CEP68: variants seen among roughly 807,000 people sequenced by gnomAD.
The protein encoded by CEP68 is centrosomal protein 68.
A neutral mutation model predicts 55.3 loss-of-function variants in CEP68; 26 were observed. That is an observed-to-expected ratio of 0.47 (90% CI 0.34 to 0.65). The LOEUF (loss-of-function observed/expected upper bound fraction) is 0.65, where lower values mean the gene tolerates loss of function less well. Ranked by LOEUF, CEP68 falls within the 30% of genes least tolerant of loss-of-function variation. The probability of loss-of-function intolerance (pLI) is 0.01; values close to 1 mark genes in which losing one functional copy is unlikely to be tolerated. For missense variants in CEP68, 957 were observed against 946.7 expected, an observed-to-expected ratio of 1.01 and a Z score of -0.14; for synonymous variants, 402 against 383.2, an observed-to-expected ratio of 1.05 and a Z score of -0.57.
Position 65,080,007 on chromosome 2 carries a change from C to T in CEP68, c.2104+2043C>T, listed in dbSNP as rs1443035664. Among the ~76,000 whole-genome samples, 3 of 152,192 alleles carry T rather than the reference C, an allele frequency of 2.0e-5. No individual in the cohort carries two copies. In the East Asian group the frequency reaches 5.8e-4, roughly 29 times the overall value. On this transcript the variant is annotated intron_variant, in intron 5 of 6. Transcript: ENST00000377990. ...AATTAGCTGGGCGTGGTGGGGAGCA[C>T]CTGTAATCCCAGCCACTCTGGAGGC... is the stretch of plus-strand genomic sequence containing the variant.
chr2:65,079,274 C>T (rs994091953), intron 5 of CEP68, among the ~76,000 whole-genome samples: 2 of 152,196 alleles, frequency 1.3e-5, no homozygotes, highest in Non-Finnish European at 2.9e-5. Context: ...GCGCTTTTGC[C>T]ATATTGGCCG....
chr2:65,075,015 CACT>C (rs1483066161), intron 4 of CEP68: 1 of 158,236 alleles, frequency 6.3e-6, no homozygotes, highest in African/African-American at 2.4e-5. Context: ...AGATGTAGAA[CACT>C]TCCATCACCA....
intron 1 of CEP68, among the ~76,000 whole-genome samples, chr2:65,061,392 C>G (rs1368390253): frequency 6.6e-6 from 1 of 152,188 alleles, no homozygotes; most frequent in Admixed American, 6.5e-5. Context: ...TGGGAGATTC[C>G]TTCTGTTCTT....
chr2:65,072,405 C>T lies in CEP68; in HGVS notation c.1309C>T (p.Gln437Ter). The change falls in exon 3 of 7, where the codon CAG becomes TAG. Residue 437 changes from glutamine (Q) to a stop codon, truncating the protein, a stop_gained. Coordinates refer to ENST00000377990, the MANE Select transcript of CEP68 (RefSeq NM_015147.3). LOFTEE classifies it high-confidence loss of function. ...IGKHLDMGSP[Q>*]LRTRDRGWPS... is the part of the protein sequence containing the mutation. ...CAAGCACCTTGATATGGGCTCTCCC[C>T]AGCTAAGGACACGGGACAGAGGGTG... is the stretch of plus-strand genomic sequence containing the variant. 1.2e-6 allele frequency: 2 copies of T among 1,613,960 alleles called. No individual in the cohort carries two copies. The highest frequency in any genetic ancestry group is 1.7e-6 in the Non-Finnish European group (2 of 1,180,038).
At chr2:65,066,208 A>G (rs1416656277) in intron 1 of CEP68, among the ~76,000 whole-genome samples, 1 of 152,194 alleles carries the variant, frequency 6.6e-6, no homozygotes, top group Non-Finnish European at 1.5e-5. Context: ...GATGAACTGG[A>G]TATCATCCAG....
intron 1 of CEP68, among the ~76,000 whole-genome samples, chr2:65,066,775 C>CAA (rs201666756): frequency 9.1e-6 from 1 of 109,554 alleles, no homozygotes; most frequent in Non-Finnish European, 1.8e-5. Context: ...TATACACACA[C>CAA]AAAAAAAAAT....
chr2:65,074,455 A>G lies in CEP68; in HGVS notation c.2007+51A>G, dbSNP rs767251991. The G allele has an allele frequency of 1.1e-5, 17 of 1,612,816 alleles. No homozygotes were observed. The Admixed American group carries it at 1.5e-4, about 14-fold the overall frequency. On this transcript the variant is annotated intron_variant, in intron 4 of 6. Transcript: ENST00000377990. ...TGTTCCCTCACAAGAGTGTGGCTAA[A>G]TTACTCGATTACAAAGTAAAATCTC...
In CEP68 at chr2:65,084,513, TA is replaced by T. The variant is rs1668971232; in HGVS notation, c.*880del. On this transcript the variant is annotated 3_prime_UTR_variant, in exon 7 of 7. Coordinates refer to ENST00000377990, the MANE Select transcript of CEP68 (RefSeq NM_015147.3). ...CGTTGCTTTGGCATTGACACATAAG[TA>T]CTTTGATTAAAAAAAAAAAAAACTA... The T allele has an allele frequency of 9.9e-6, 1 of 100,506 alleles. No individual in the cohort carries two copies. The highest frequency in any genetic ancestry group is 3.4e-5 in the African/African-American group (1 of 29,078). The allele number at this position is 100,506 out of a possible 1,614,324, so 6.2% of individuals were successfully genotyped here.
intron 1 of CEP68, among the ~76,000 whole-genome samples, chr2:65,057,900 C>T (rs1377512900): frequency 1.3e-5 from 2 of 151,486 alleles, no homozygotes; most frequent in African/African-American, 4.9e-5. Flanking sequence ...AAGCAATCCT[C>T]CTGCCTCTGC....
At chr2:65,058,650 G>C (rs1057037458) in intron 1 of CEP68, among the ~76,000 whole-genome samples, 1 of 151,608 alleles carries the variant, frequency 6.6e-6, no homozygotes, top group Non-Finnish European at 1.5e-5. Context: ...AGGATTACAG[G>C]CACCCACCAC....
chr2:65,059,160 A>G (rs1002616300), intron 1 of CEP68, among the ~76,000 whole-genome samples: 8 of 152,166 alleles, frequency 5.3e-5, no homozygotes, highest in African/African-American at 1.7e-4. Context: ...TCCTATCTTT[A>G]ATGTTGTTCA....
chr2:65,071,406 T>C (rs1372413923), intron 2 of CEP68, 48 bp from the exon 3 acceptor site: 2 of 1,495,858 alleles, frequency 1.3e-6, no homozygotes, highest in South Asian at 1.2e-5. Flanking sequence ...AGAAAGAAAT[T>C]GGGTTTGATT....
chr2:65,062,345 C>T (rs1345734886), intron 1 of CEP68, among the ~76,000 whole-genome samples: 2 of 151,830 alleles, frequency 1.3e-5, no homozygotes, highest in Non-Finnish European at 2.9e-5. Context: ...AGCAGCCTGG[C>T]CAACATGGTT....
chr2:65,086,364 T>C lies in CEP68; in HGVS notation c.*2730T>C, dbSNP rs1669027675. The C allele has an allele frequency of 6.6e-6, 1 of 152,214 alleles. No individual in the cohort carries two copies. The highest frequency in any genetic ancestry group is 1.5e-5 in the Non-Finnish European group (1 of 68,036). 9.4% of individuals were successfully genotyped at this position (152,214 alleles called of 1,614,324 possible). A position where few individuals can be genotyped will look rare whatever the true frequency, so the allele number is the denominator to read the frequency against. On this transcript the variant is annotated 3_prime_UTR_variant, in exon 7 of 7. Coordinates refer to ENST00000377990, the MANE Select transcript of CEP68 (RefSeq NM_015147.3). Reference sequence around the variant, plus strand: ...TAAGTGAACAGATTATTAAAACCTGTAGTAGCTTTGAACCGTTTGTACTTG... The same window carrying C: ...TAAGTGAACAGATTATTAAAACCTGCAGTAGCTTTGAACCGTTTGTACTTG...
Position 65,057,749 on chromosome 2 carries a change from G to T in CEP68, c.-47+1221G>T, listed in dbSNP as rs551086128. Among the ~76,000 whole-genome samples the T allele has an allele frequency of 9.8e-5, 15 of 152,308 alleles. No individual in the cohort carries two copies. In the South Asian group the frequency reaches 2.9e-3, roughly 29 times the overall value. On this transcript the variant is annotated intron_variant, in intron 1 of 6. Coordinates refer to ENST00000377990, the MANE Select transcript of CEP68 (RefSeq NM_015147.3). ...ACTTCTTGAGCGAGTTATTCTTACA[G>T]GTTAGGAAGGCAGCTAAGCTCAGGC...
chr2:65,066,775 CAAA>C (rs201666756), intron 1 of CEP68, among the ~76,000 whole-genome samples: 1 of 109,554 alleles, frequency 9.1e-6, no homozygotes, highest in East Asian at 2.4e-4. Context: ...TATACACACA[CAAA>C]AAAAAATTAG....
At chr2:65,066,101 G>A (rs1000215502) in intron 1 of CEP68, among the ~76,000 whole-genome samples, 3 of 152,070 alleles carry the variant, frequency 2.0e-5, no homozygotes, top group African/African-American at 7.2e-5. Context: ...GGCAGGGCAC[G>A]CTCACTCATC....
At chr2:65,074,913 A>G in intron 4 of CEP68, 1 of 197,294 alleles carries the variant, frequency 5.1e-6, no homozygotes, top group Non-Finnish European at 1.0e-5. Flanking sequence ...TATTGAAGTA[A>G]AATTAAAGAC....
At chr2:65,062,390 G>A (rs1248317461) in intron 1 of CEP68, among the ~76,000 whole-genome samples, 8 of 152,010 alleles carry the variant, frequency 5.3e-5, no homozygotes, top group South Asian at 2.1e-4. Flanking sequence ...AAAAATTAGC[G>A]GGGATGGTGG....
Sources: gnomAD v4.1 joint callset for allele counts (sites outside exome capture counted in the v4.1 genomes callset) on GRCh38, gnomAD v4.1.1 for gene constraint, MANE v1.5 for transcripts, NCBI Gene and HGNC (gene_info 2026-07-23, HGNC 2026-07-21) for gene names.